CDK14: variants seen among roughly 807,000 people sequenced by gnomAD.
The protein encoded by CDK14 is cyclin dependent kinase 14, also known as cyclin-dependent kinase 14.
CDK14 carries 34 observed loss-of-function variants against 60.7 expected under a neutral mutation model. The observed-to-expected ratio is 0.56, with a 90% CI of 0.43 to 0.75. The LOEUF (loss-of-function observed/expected upper bound fraction) is 0.75, where lower values mean the gene tolerates loss of function less well. CDK14 is among the 30% of genes least tolerant of loss of function. The probability of loss-of-function intolerance (pLI) is 0.00; values close to 1 mark genes in which losing one functional copy is unlikely to be tolerated. For synonymous variants in CDK14, 197 were observed against 203.7 expected (o/e 0.97, Z 0.28); for missense variants, 482 against 564.1 (o/e 0.85, Z 1.47).
intron 11 of CDK14, among the ~76,000 whole-genome samples, chr7:91,054,738 C>A (rs993948387): frequency 6.6e-6 from 1 of 152,092 alleles, no homozygotes; most frequent in South Asian, 2.1e-4. Flanking sequence ...TTGAACAAAG[C>A]GGATGAATCC....
At chr7:90,971,842 T>C (rs545510549) in intron 9 of CDK14, among the ~76,000 whole-genome samples, 1 of 152,272 alleles carries the variant, frequency 6.6e-6, no homozygotes, top group African/African-American at 2.4e-5. Flanking sequence ...TGGTTGGCAC[T>C]TTAAGATTGT....
At chr7:90,861,335 T>G (rs1791002136) in intron 5 of CDK14, among the ~76,000 whole-genome samples, 1 of 151,998 alleles carries the variant, frequency 6.6e-6, no homozygotes, top group Non-Finnish European at 1.5e-5. Context: ...GGAGAACAAA[T>G]AAAAACAGAC....
At chr7:90,653,910 AGG>A (rs1800700622) in intron 2 of CDK14, among the ~76,000 whole-genome samples, 1 of 152,160 alleles carries the variant, frequency 6.6e-6, no homozygotes, top group Non-Finnish European at 1.5e-5. Flanking sequence ...GAGTGAGAAC[AGG>A]TGGTGTTTGG....
At chr7:90,975,520 A>G (rs1795043875) in intron 9 of CDK14, among the ~76,000 whole-genome samples, 2 of 151,446 alleles carry the variant, frequency 1.3e-5, no homozygotes, top group African/African-American at 2.4e-5. Context: ...TTGAAACTAT[A>G]TAGTATAGTA....
At chr7:90,912,330 A>G (rs898534910) in intron 7 of CDK14, among the ~76,000 whole-genome samples, 7 of 152,186 alleles carry the variant, frequency 4.6e-5, no homozygotes, top group African/African-American at 1.4e-4. Flanking sequence ...TTATTATACT[A>G]TATGCTAATT....
intron 12 of CDK14, among the ~76,000 whole-genome samples, chr7:91,089,451 C>G (rs184776127): frequency 9.1e-4 from 138 of 152,134 alleles, no homozygotes; most frequent in African/African-American, 3.2e-3. Context: ...CCAACCTCCT[C>G]CCCTCTTTTT....
chr7:90,709,412 A>G, intron 2 of CDK14: 1 of 1,416,370 alleles, frequency 7.1e-7, no homozygotes, highest in South Asian at 1.6e-5. Flanking sequence ...CCCCTTGATT[A>G]AATGTTTTTC....
rs879928499 is a variant in CDK14, at chr7:90,637,302, T to C, written c.123+33053T>C. Among the ~76,000 whole-genome samples, 521 of 152,010 alleles carry C rather than the reference T, an allele frequency of 3.4e-3. 1 individual carries two copies. The highest frequency in any genetic ancestry group is 0.017 in the Middle Eastern group (5 of 292). ...TATAAATTTCCCTCTACACACTGCTTTGAATGTGTCCCAGAGATTCTGGTA... is the reference window on the plus strand; with the variant it reads ...TATAAATTTCCCTCTACACACTGCTCTGAATGTGTCCCAGAGATTCTGGTA... On this transcript the variant is annotated intron_variant, in intron 2 of 14. Transcript: ENST00000380050.
chr7:91,160,303 C>T (rs1379338203), intron 14 of CDK14, among the ~76,000 whole-genome samples: 1 of 152,104 alleles, frequency 6.6e-6, no homozygotes, highest in African/African-American at 2.4e-5. Context: ...ATTTATTGTG[C>T]ATGGCCCATT....
At chr7:90,745,635 C>A (rs1380511709) in intron 3 of CDK14, among the ~76,000 whole-genome samples, 2 of 152,084 alleles carry the variant, frequency 1.3e-5, no homozygotes, top group Non-Finnish European at 2.9e-5. Context: ...AGGATGGTCT[C>A]GATCTCTTGA....
Position 91,122,521 on chromosome 7 carries a change from A to T in CDK14, c.*28+4313A>T, listed in dbSNP as rs1477602487. ...GGTAGGCCACCTAGAGCTGTTTGCC[A>T]TCTCAACCGCCATCTCAACTCTGGA... is the stretch of plus-strand genomic sequence containing the variant. On this transcript the variant is annotated intron_variant, in intron 14 of 14. Transcript: ENST00000380050. Among the ~76,000 whole-genome samples the T allele has an allele frequency of 2.0e-5, 3 of 152,292 alleles. No individual in the cohort carries two copies. In the East Asian group the frequency reaches 5.8e-4, roughly 29 times the overall value.
chr7:90,999,263 G>A lies in CDK14; in HGVS notation c.1041+15022G>A, dbSNP rs1240375305. On this transcript the variant is annotated intron_variant, in intron 10 of 14. Coordinates refer to ENST00000380050, the MANE Select transcript of CDK14 (RefSeq NM_001287135.2). ...AGGCTATGAAGCAGAGGAATTAACG[G>A]TATAATAGGGGATCAAGCTGAAGCA... Among the ~76,000 whole-genome samples, 5 of 152,102 alleles carry A rather than the reference G, an allele frequency of 3.3e-5. No homozygotes were observed. The East Asian group carries it at 9.7e-4, about 29-fold the overall frequency.
At position 90,888,539 on chromosome 7, in the gene CDK14, T is replaced by C. The variant is rs539928854; in HGVS notation, c.640-10752T>C. Among the ~76,000 whole-genome samples, 2 of 152,314 alleles carry C rather than the reference T, an allele frequency of 1.3e-5. 1 individual carries two copies. The highest frequency in any genetic ancestry group is 4.8e-5 in the African/African-American group (2 of 41,566). On this transcript the variant is annotated intron_variant, in intron 6 of 14. Transcript: ENST00000380050. ...GATTCCTCTGTCTTCCTTCCCTTTA[T>C]CTGTTCTCTCTTCCGTTAGTTCTTT...
chr7:90,874,944 G>A (rs1791509088), intron 6 of CDK14, among the ~76,000 whole-genome samples: 1 of 152,042 alleles, frequency 6.6e-6, no homozygotes, highest in Admixed American at 6.6e-5. Context: ...ACAACGTTGT[G>A]GAACCATTAC....
intron 10 of CDK14, among the ~76,000 whole-genome samples, chr7:91,001,192 T>C (rs1219281595): frequency 1.3e-5 from 2 of 152,182 alleles, no homozygotes; most frequent in African/African-American, 4.8e-5. Context: ...CTTTTAAATA[T>C]TGGGGAGAAA....
rs1167351333 is a variant in CDK14, at chr7:90,955,837, C to A, written c.947+20C>A. The A allele has an allele frequency of 1.2e-6, 2 of 1,611,576 alleles. No individual in the cohort carries two copies. The highest frequency in any genetic ancestry group is 1.7e-6 in the Non-Finnish European group (2 of 1,178,408). On this transcript the variant is annotated intron_variant, in intron 9 of 14. Coordinates refer to ENST00000380050, the MANE Select transcript of CDK14 (RefSeq NM_001287135.2). ...CATGTGGTGAGAAATGGAAGCTTTA[C>A]TCTAGCTAATCTATCTGTAGTGCTT...
intron 2 of CDK14, among the ~76,000 whole-genome samples, chr7:90,723,029 T>A (rs1274771099): frequency 1.3e-5 from 2 of 152,178 alleles, no homozygotes; most frequent in Non-Finnish European, 2.9e-5. Context: ...TTTCCCTGTT[T>A]TTAGGTGAAA....
Position 91,208,391 on chromosome 7 carries a change from G to A in CDK14, c.*1255G>A, listed in dbSNP as rs1802968678. 6.5e-6 allele frequency: 1 copy of A among 152,692 alleles called. No homozygotes were observed. Among genetic ancestry groups the A allele is most frequent in the South Asian group, 2.1e-4 (1 of 4,836 alleles). 9.5% of individuals were successfully genotyped at this position (152,692 alleles called of 1,614,324 possible). A position where few individuals can be genotyped will look rare whatever the true frequency, so the allele number is the denominator to read the frequency against. On this transcript the variant is annotated 3_prime_UTR_variant, in exon 15 of 15. Transcript: ENST00000380050. ...CAGGCATGTCTTTTGCTTTGATCTG[G>A]AGGGAGGGCTGCCTGATGCAGGCCG...
At chr7:90,757,521 A>G (rs1804128741) in intron 4 of CDK14, among the ~76,000 whole-genome samples, 1 of 151,910 alleles carries the variant, frequency 6.6e-6, no homozygotes, top group Non-Finnish European at 1.5e-5. Context: ...CGTGTCATTC[A>G]TCCTTTACCT....
Sources: gnomAD v4.1 joint callset for allele counts (sites outside exome capture counted in the v4.1 genomes callset) on GRCh38, gnomAD v4.1.1 for gene constraint, MANE v1.5 for transcripts, NCBI Gene and HGNC (gene_info 2026-07-23, HGNC 2026-07-21) for gene names.